Variants in DNAH7 observed in about 807,000 individuals in gnomAD.
The protein encoded by DNAH7 is axonemal beta dynein heavy chain 7.
In DNAH7, 397 loss-of-function variants were observed where a neutral mutation model predicts 444.6. That is an observed-to-expected ratio of 0.89 (90% CI 0.82 to 0.97). DNAH7 has a LOEUF of 0.97. Ranked by LOEUF, DNAH7 falls within the 50% of genes least tolerant of loss-of-function variation. The pLI is 0.00. For synonymous variants in DNAH7, 1,636 were observed against 1,624.4 expected (o/e 1.01, Z -0.17); for missense variants, 4,902 against 4,800.8 (o/e 1.02, Z -0.62).
intron 21 of DNAH7, among the ~76,000 whole-genome samples, chr2:195,927,553 C>T (rs944017004): frequency 2.0e-5 from 3 of 151,286 alleles, no homozygotes; most frequent in South Asian, 2.1e-4. Context: ...AAAAAATAGG[C>T]GTAGCAGAGA....
chr2:196,029,296 C>T (rs1181881213), intron 5 of DNAH7, among the ~76,000 whole-genome samples: 1 of 151,938 alleles, frequency 6.6e-6, no homozygotes, highest in Non-Finnish European at 1.5e-5. Context: ...AAATGCTCAT[C>T]CTACCTACCT....
chr2:196,034,139 A>T (rs1696234407), intron 5 of DNAH7, among the ~76,000 whole-genome samples: 1 of 152,192 alleles, frequency 6.6e-6, no homozygotes, highest in Non-Finnish European at 1.5e-5. Flanking sequence ...CATACACATG[A>T]TCGTATGTAT....
intron 19 of DNAH7, among the ~76,000 whole-genome samples, chr2:195,955,338 C>T (rs186638168): frequency 1.8e-4 from 27 of 152,114 alleles, no homozygotes; most frequent in East Asian, 3.9e-4. Flanking sequence ...TGGTTGTAGA[C>T]GTGTGGTATT....
At chr2:195,792,663 A>T (rs1695941367) in intron 57 of DNAH7, among the ~76,000 whole-genome samples, 1 of 152,174 alleles carries the variant, frequency 6.6e-6, no homozygotes, top group Non-Finnish European at 1.5e-5. Context: ...TCCTTCTTAA[A>T]CTTATTAAAA....
At position 195,984,660 on chromosome 2, in the gene DNAH7, G is replaced by A; in HGVS notation, c.1805C>T (p.Pro602Leu). The change falls in exon 15 of 65, where the codon CCA becomes CTA. Residue 602 changes from proline (P) to leucine (L), a missense_variant. By Grantham distance (98) the Pro-to-Leu change is moderately conservative. Coordinates refer to ENST00000312428, the MANE Select transcript of DNAH7 (RefSeq NM_018897.3). The stretch of plus-strand genomic sequence containing the variant: ...CATTTCCATTAGTTCTGCTGTATTT[G>A]GAGGAGTGCTAAGAGCTTTTTCAGC... ...RIAEKALSTP[P>L]NTAELMEMKA... is the part of the protein sequence containing the mutation. 1 of 1,613,894 alleles carries A rather than the reference G, an allele frequency of 6.2e-7. No homozygotes were observed. The highest frequency in any genetic ancestry group is 8.5e-7 in the Non-Finnish European group (1 of 1,179,930).
At chr2:195,929,790 A>C (rs1688570064) in intron 21 of DNAH7, among the ~76,000 whole-genome samples, 1 of 152,260 alleles carries the variant, frequency 6.6e-6, no homozygotes. Flanking sequence ...CCTAGGACAC[A>C]CCATTCTAGA....
chr2:195,994,288 A>G, intron 12 of DNAH7: 2 of 428,350 alleles, frequency 4.7e-6, no homozygotes, highest in South Asian at 2.5e-5. Context: ...AGCTTTTCCA[A>G]ATCATCAGCA....
intron 8 of DNAH7, among the ~76,000 whole-genome samples, chr2:196,019,808 TTTTA>T (rs1695259420): frequency 6.6e-6 from 1 of 152,216 alleles, no homozygotes; most frequent in Non-Finnish European, 1.5e-5. Context: ...ACACTAACGT[TTTTA>T]TTTGAAGACA....
chr2:195,952,345 TGG>T (rs1690318501), intron 19 of DNAH7, among the ~76,000 whole-genome samples: 1 of 152,184 alleles, frequency 6.6e-6, no homozygotes, highest in African/African-American at 2.4e-5. Flanking sequence ...CCGACCTTTC[TGG>T]CTGCCCTTAA....
chr2:195,950,268 C>G (rs546253871), intron 19 of DNAH7, among the ~76,000 whole-genome samples: 1 of 152,214 alleles, frequency 6.6e-6, no homozygotes, highest in African/African-American at 2.4e-5. Context: ...CTATTAATTA[C>G]TGCCTCAATT....
rs755912873 is a variant in DNAH7, at chr2:195,766,167, A to ATTTTTTTTTTTTTTTT, written c.11433+5477_11433+5492dup. ...GTTCTCGTTTAATTTGTGGGAGCTA[A>ATTTTTTTTTTTTTTTT]TTTTTTTTTTTTTTTTTTTTTTTTG... On this transcript the variant is annotated intron_variant, in intron 61 of 64. Coordinates refer to ENST00000312428, the MANE Select transcript of DNAH7 (RefSeq NM_018897.3). 4.0e-4 allele frequency among the ~76,000 whole-genome samples: 23 copies of ATTTTTTTTTTTTTTTT among 57,338 alleles called. 3 individuals are homozygous for ATTTTTTTTTTTTTTTT. Among genetic ancestry groups the ATTTTTTTTTTTTTTTT allele is most frequent in the East Asian group, 8.7e-4 (2 of 2,296 alleles). The allele number at this position is 57,338 out of a possible 152,430, so 37.6% of individuals were successfully genotyped here.
At chr2:195,839,790 C>CA (rs1698572832) in intron 47 of DNAH7, among the ~76,000 whole-genome samples, 1 of 151,658 alleles carries the variant, frequency 6.6e-6, no homozygotes, top group South Asian at 2.1e-4. Context: ...TCTGAAAAGA[C>CA]AGAAACTGCC....
chr2:195,800,766 C>T (rs755518300), intron 54 of DNAH7, among the ~76,000 whole-genome samples: 13 of 151,922 alleles, frequency 8.6e-5, no homozygotes, highest in Non-Finnish European at 1.6e-4. Context: ...ATTCTATTTT[C>T]CTGGAAAAAA....
intron 44 of DNAH7, 23 bp downstream of exon 44, chr2:195,857,354 G>T: frequency 6.6e-7 from 1 of 1,519,440 alleles, no homozygotes; most frequent in South Asian, 1.4e-5. Context: ...ATACCAGCTG[G>T]ATTTCTTTTT....
intron 19 of DNAH7, among the ~76,000 whole-genome samples, chr2:195,952,933 T>C (rs1246391399): frequency 2.6e-5 from 4 of 152,178 alleles, no homozygotes; most frequent in African/African-American, 9.6e-5. Context: ...CCTACTTCTG[T>C]CAATTTGTGA....
At chr2:195,851,089 T>C (rs1699333031) in intron 46 of DNAH7, among the ~76,000 whole-genome samples, 1 of 152,168 alleles carries the variant, frequency 6.6e-6, no homozygotes, top group Non-Finnish European at 1.5e-5. Flanking sequence ...TGCTAGTCGT[T>C]GGGTGTGAAA....
chr2:195,931,303 T>C (rs532285887), intron 21 of DNAH7, among the ~76,000 whole-genome samples: 35 of 152,324 alleles, frequency 2.3e-4, no homozygotes, highest in East Asian at 7.7e-4. Flanking sequence ...TTTGAGTTCA[T>C]TGTAGATTCT....
chr2:196,044,712 A>C (rs556120893), intron 5 of DNAH7, among the ~76,000 whole-genome samples: 7 of 152,266 alleles, frequency 4.6e-5, no homozygotes, highest in African/African-American at 1.7e-4. Context: ...TTCAAGAAAA[A>C]GGATGAAATT....
At position 195,942,749 on chromosome 2, in the gene DNAH7, A is replaced by G. The variant is rs1247388566; in HGVS notation, c.3079-5957T>C. Among the ~76,000 whole-genome samples, 6 of 152,116 alleles carry G rather than the reference A, an allele frequency of 3.9e-5. No homozygotes were observed. The East Asian group carries it at 1.2e-3, about 29-fold the overall frequency. On this transcript the variant is annotated intron_variant, in intron 19 of 64. Coordinates refer to ENST00000312428, the MANE Select transcript of DNAH7 (RefSeq NM_018897.3). ...TAGCAGATTACATGGTTAATTGGTG[A>G]GACATGTCACTTCTATTTTTACTCT...
Sources: allele counts gnomAD v4.1 joint callset (sites outside exome capture counted in the v4.1 genomes callset), GRCh38; gene constraint gnomAD v4.1.1; transcripts MANE v1.5; gene names NCBI Gene and HGNC (gene_info 2026-07-23, HGNC 2026-07-21).